Variants in FOXP2 observed in about 807,000 individuals in gnomAD.
FOXP2 encodes forkhead box P2.
A neutral mutation model predicts 115.8 loss-of-function variants in FOXP2; 12 were observed. The observed-to-expected ratio is 0.10, with a 90% CI of 0.07 to 0.17. The LOEUF (loss-of-function observed/expected upper bound fraction) is 0.17. Ranked by LOEUF, FOXP2 falls within the 10% of genes least tolerant of loss-of-function variation. FOXP2 has a pLI of 1.00. For missense variants in FOXP2, 629 were observed against 843.5 expected (o/e 0.75, Z 3.15); for synonymous variants, 328 against 297.7 (o/e 1.10, Z -1.05).
At chr7:114,127,666 T>A (rs1453178028) in intron 1 of FOXP2, among the ~76,000 whole-genome samples, 1 of 152,164 alleles carries the variant, frequency 6.6e-6, no homozygotes, top group Non-Finnish European at 1.5e-5. Flanking sequence ...AAGAACAGAC[T>A]TTTTGAATTC....
chr7:114,188,130 A>T (rs1301204482), intron 1 of FOXP2, among the ~76,000 whole-genome samples: 1 of 152,170 alleles, frequency 6.6e-6, no homozygotes, highest in Non-Finnish European at 1.5e-5. Flanking sequence ...CCACCAGAAA[A>T]TTTAATTTAT....
At chr7:114,559,702 G>GA (rs11377089) in intron 3 of FOXP2, among the ~76,000 whole-genome samples, 12,768 of 152,064 alleles carry the variant, frequency 0.084, 587 homozygotes, top group Middle Eastern at 0.15. Flanking sequence ...CTAACACGGT[G>GA]AAACCCCGTC....
chr7:114,629,880 C>A lies in FOXP2; in HGVS notation c.472C>A (p.Gln158Lys). 6.2e-7 allele frequency: 1 copy of A among 1,613,256 alleles called. No homozygotes were observed. Among genetic ancestry groups the A allele is most frequent in the Non-Finnish European group, 8.5e-7 (1 of 1,179,794 alleles). The stretch of plus-strand genomic sequence containing the variant: ...GCTTTTGCAGCAGCAGCAGCAACAG[C>A]AGCAGCAGCAACAACAGCAGCAACA... ...LQLLQQQQQQ[Q>K]QQQQQQQQQQ... The change falls in exon 5 of 17, where the codon CAG becomes AAG. Residue 158 changes from glutamine (Q) to lysine (K), a missense_variant. Gln to Lys is a moderately conservative substitution (Grantham distance 53). This residue lies in a region of FOXP2 where 138 missense variants were observed against 205.1 expected (regional missense o/e 0.67). Transcript: ENST00000350908.
intron 2 of FOXP2, among the ~76,000 whole-genome samples, chr7:114,293,736 T>C (rs563870774): frequency 6.6e-6 from 1 of 152,190 alleles, no homozygotes; most frequent in African/African-American, 2.4e-5. Context: ...TACCACCCTG[T>C]CTTCAGAAGA....
chr7:114,664,194 A>G (rs749355873), intron 15 of FOXP2, 79 bp from the exon 16 acceptor site: 9 of 1,468,342 alleles, frequency 6.1e-6, no homozygotes, highest in Non-Finnish European at 7.5e-6. Flanking sequence ...ATTGGAACCC[A>G]TTAAAAGAAG....
upstream of FOXP2, among the ~76,000 whole-genome samples, chr7:114,158,908 A>G (rs930805188): frequency 4.6e-5 from 7 of 152,260 alleles, no homozygotes; most frequent in Middle Eastern, 3.4e-3. Context: ...AAAACAAATA[A>G]CAAAAAGACT....
chr7:114,365,442 T>G (rs1791853834), intron 2 of FOXP2, among the ~76,000 whole-genome samples: 1 of 152,144 alleles, frequency 6.6e-6, no homozygotes, highest in Admixed American at 6.6e-5. Context: ...ATTCTAATAC[T>G]AAATGTAAAA....
chr7:114,150,842 A>T (rs1792510969), intron 1 of FOXP2, among the ~76,000 whole-genome samples: 1 of 151,992 alleles, frequency 6.6e-6, no homozygotes, highest in Non-Finnish European at 1.5e-5. Context: ...AATGTTTTTG[A>T]TCAGATTGTA....
chr7:114,293,891 A>T (rs1249622526), intron 2 of FOXP2, among the ~76,000 whole-genome samples: 2 of 152,184 alleles, frequency 1.3e-5, no homozygotes, highest in Non-Finnish European at 2.9e-5. Flanking sequence ...ACAAGATAAT[A>T]AATGGTTTTG....
intron 2 of FOXP2, among the ~76,000 whole-genome samples, chr7:114,349,370 T>C (rs1209017526): frequency 6.6e-6 from 1 of 152,042 alleles, no homozygotes; most frequent in African/African-American, 2.4e-5. Context: ...ATTTTAGAGA[T>C]GAGGAAGATG....
chr7:114,638,201 C>T (rs2129331139), intron 6 of FOXP2, among the ~76,000 whole-genome samples: 1 of 152,230 alleles, frequency 6.6e-6, no homozygotes, highest in Non-Finnish European at 1.5e-5. Context: ...GTATTTAAAA[C>T]TTACGCAAAC....
At chr7:114,687,630 C>T (rs1808433891) in intron 16 of FOXP2, among the ~76,000 whole-genome samples, 2 of 152,150 alleles carry the variant, frequency 1.3e-5, no homozygotes, top group South Asian at 4.1e-4. Flanking sequence ...TTTATGACTG[C>T]AGCGACCTTG....
rs1042830276 is a variant in FOXP2, at chr7:114,176,314, C to T, written c.-102+13226C>T. 2.7e-3 allele frequency among the ~76,000 whole-genome samples: 367 copies of T among 138,300 alleles called. 3 individuals are homozygous for T. The highest frequency in any genetic ancestry group is 0.011 in the African/African-American group (347 of 31,880). 90.7% of individuals were successfully genotyped at this position (138,300 alleles called of 152,430 possible). A position where few individuals can be genotyped will look rare whatever the true frequency, so the allele number is the denominator to read the frequency against. ...TTTCTTTCTTTCTCTCTCTCTCTCT[C>T]TCTCTCTTTCTTTTTCTTTCTTTCT... On this transcript the variant is annotated intron_variant, in intron 1 of 17. Coordinates refer to the FOXP2 transcript ENST00000634411.
chr7:114,543,468 C>T (rs985840889), intron 3 of FOXP2, among the ~76,000 whole-genome samples: 3 of 152,136 alleles, frequency 2.0e-5, no homozygotes, highest in African/African-American at 7.2e-5. Flanking sequence ...TTGCCTTATA[C>T]AAAGTCTAAT....
At chr7:114,515,581 T>G (rs1254892521) in intron 2 of FOXP2, among the ~76,000 whole-genome samples, 2 of 152,092 alleles carry the variant, frequency 1.3e-5, no homozygotes. Context: ...TTTTTTCTTG[T>G]AAATTTGTTT....
chr7:114,159,516 T>C (rs1333266173), upstream of FOXP2, among the ~76,000 whole-genome samples: 1 of 151,550 alleles, frequency 6.6e-6, no homozygotes, highest in African/African-American at 2.4e-5. Context: ...AAAACAGTAA[T>C]TTATTTATGA....
chr7:114,579,630 G>A (rs760430542), intron 3 of FOXP2, among the ~76,000 whole-genome samples: 6 of 152,016 alleles, frequency 3.9e-5, no homozygotes, highest in Non-Finnish European at 7.4e-5. Flanking sequence ...ATGCAAGCCC[G>A]AACTCAGTTA....
intron 1 of FOXP2, among the ~76,000 whole-genome samples, chr7:114,277,617 T>A (rs1707764285): frequency 6.6e-6 from 1 of 152,162 alleles, no homozygotes; most frequent in East Asian, 1.9e-4. Flanking sequence ...TTTTCAACAA[T>A]ATAGTCATAA....
At chr7:114,163,469 A>C (rs138225762) in intron 1 of FOXP2, among the ~76,000 whole-genome samples, 2 of 152,104 alleles carry the variant, frequency 1.3e-5, no homozygotes, top group African/African-American at 4.8e-5. Flanking sequence ...ATCTGAGAAT[A>C]AGACTATCTT....
Sources: gnomAD v4.1 joint callset for allele counts (sites outside exome capture counted in the v4.1 genomes callset) on GRCh38, gnomAD v4.1.1 for gene constraint, gnomAD v4.1.1 regional missense constraint, MANE v1.5 for transcripts, NCBI Gene and HGNC (gene_info 2026-07-23, HGNC 2026-07-21) for gene names.